Variants in EXOC5 observed in about 807,000 individuals in gnomAD.
EXOC5 encodes the protein SEC10-like 1.
Under a neutral mutation model 90.8 loss-of-function variants are expected in EXOC5, and 17 were observed. The ratio of observed to expected loss-of-function variants is 0.19; its 90% CI spans 0.13 to 0.28. EXOC5 has a LOEUF of 0.28. Among genes scored for constraint, EXOC5 ranks in the 10% least tolerant of loss-of-function variants. The probability of loss-of-function intolerance (pLI) is 1.00; values close to 1 mark genes in which losing one functional copy is unlikely to be tolerated. For missense variants in EXOC5, 569 were observed against 830.6 expected (o/e 0.69, Z 3.87); for synonymous variants, 260 against 270.0 (o/e 0.96, Z 0.36).
At chr14:57,230,910 G>GAAA (rs1045648341) in intron 11 of EXOC5, among the ~76,000 whole-genome samples, 1 of 130,690 alleles carries the variant, frequency 7.7e-6, no homozygotes, top group South Asian at 2.4e-4. Context: ...ATTCTATCGA[G>GAAA]AAAAAAAAAA....
At chr14:57,237,444 G>A in intron 5 of EXOC5, 78 bp from the exon 6 acceptor site, 1 of 867,824 alleles carries the variant, frequency 1.2e-6, no homozygotes, top group South Asian at 1.5e-5. Flanking sequence ...TAACCAAATG[G>A]GAAACTGGGT....
intron 15 of EXOC5, among the ~76,000 whole-genome samples, chr14:57,215,617 A>C (rs539827207): frequency 6.6e-6 from 1 of 152,170 alleles, no homozygotes; most frequent in Non-Finnish European, 1.5e-5. Flanking sequence ...AAAATTCAAC[A>C]CTCTTTCATG....
chr14:57,211,770 G>T (rs1882833649), intron 15 of EXOC5: 1 of 152,262 alleles, frequency 6.6e-6, no homozygotes. Flanking sequence ...CTACTCAGGA[G>T]GCTGAGGCAG....
intron 1 of EXOC5, among the ~76,000 whole-genome samples, chr14:57,259,045 A>G (rs991607680): frequency 1.3e-5 from 2 of 152,064 alleles, no homozygotes; most frequent in African/African-American, 4.8e-5. Context: ...TCATTAAAAC[A>G]CTACCTCCTT....
In EXOC5 at chr14:57,206,949, T is replaced by A. The variant is rs143524366; in HGVS notation, c.*1660A>T. ...TGGCTTTAAGTAACAGAGGTAAAATTTGAATTCACATCAGAGCTTTCTAAA... is the reference window on the plus strand; with the variant it reads ...TGGCTTTAAGTAACAGAGGTAAAATATGAATTCACATCAGAGCTTTCTAAA... On this transcript the variant is annotated 3_prime_UTR_variant, in exon 18 of 18. Transcript: ENST00000621441. The A allele has an allele frequency of 2.3e-3, 348 of 152,548 alleles. 2 individuals are homozygous for A. The highest frequency in any genetic ancestry group is 7.9e-3 in the African/African-American group (327 of 41,558). 9.4% of individuals were successfully genotyped at this position (152,548 alleles called of 1,614,324 possible).
Position 57,201,937 on chromosome 14 carries a change from C to G in EXOC5, c.*6672G>C, listed in dbSNP as rs569840260. 1 of 152,004 alleles carries G rather than the reference C, an allele frequency of 6.6e-6. No individual in the cohort carries two copies. Among genetic ancestry groups the G allele is most frequent in the South Asian group, 2.1e-4 (1 of 4,806 alleles). 9.4% of individuals were successfully genotyped at this position (152,004 alleles called of 1,614,324 possible). On this transcript the variant is annotated 3_prime_UTR_variant, in exon 18 of 18. Coordinates refer to ENST00000621441, the MANE Select transcript of EXOC5 (RefSeq NM_006544.4). ...TATGTCTGTATCTATTAATATATATCTACCTCCAAAATATTTACAAAGGGA... is the reference window on the plus strand; with the variant it reads ...TATGTCTGTATCTATTAATATATATGTACCTCCAAAATATTTACAAAGGGA...
chr14:57,268,715 G>A lies in EXOC5; in HGVS notation c.-67C>T. The A allele has an allele frequency of 6.5e-7, 1 of 1,541,552 alleles. No individual in the cohort carries two copies. The highest frequency in any genetic ancestry group is 8.7e-7 in the Non-Finnish European group (1 of 1,151,616). Reference sequence around the variant, plus strand: ...CCGCTTCACATGCTGCGCCTCAGAGGCGCGGCGCACAGGTCTCCGCTCGGC... The same window carrying A: ...CCGCTTCACATGCTGCGCCTCAGAGACGCGGCGCACAGGTCTCCGCTCGGC... On this transcript the variant is annotated 5_prime_UTR_variant, in exon 1 of 18. Transcript: ENST00000621441.
chr14:57,205,207 T>G lies in EXOC5; in HGVS notation c.*3402A>C, dbSNP rs1882614428. 1 of 152,024 alleles carries G rather than the reference T, an allele frequency of 6.6e-6. No homozygotes were observed. Among genetic ancestry groups the G allele is most frequent in the South Asian group, 2.1e-4 (1 of 4,830 alleles). The allele number at this position is 152,024 out of a possible 1,614,324, so 9.4% of individuals were successfully genotyped here. On this transcript the variant is annotated 3_prime_UTR_variant, in exon 18 of 18. Transcript: ENST00000621441. ...AATTATCTTTATTATGCAGCAAAAT[T>G]TTTTAAATTGCTAACTTTTAACTTC...
In EXOC5 at chr14:57,230,206, G is replaced by GA. The variant is rs1185340532; in HGVS notation, c.1149-326dup. On this transcript the variant is annotated intron_variant, in intron 11 of 17. Transcript: ENST00000621441. ...CAAATAGGTTGGCATTCTAAATAACGAAATAGTCCTGTTTAAAAAGAAACC... is the reference window on the plus strand; with the variant it reads ...CAAATAGGTTGGCATTCTAAATAACGAAAATAGTCCTGTTTAAAAAGAAACC... Among the ~76,000 whole-genome samples, 27 of 152,134 alleles carry GA rather than the reference G, an allele frequency of 1.8e-4. 1 individual carries two copies. The South Asian group carries it at 3.1e-3, about 18-fold the overall frequency.
At chr14:57,238,021 A>G (rs1396625354) in intron 5 of EXOC5, among the ~76,000 whole-genome samples, 1 of 152,062 alleles carries the variant, frequency 6.6e-6, no homozygotes, top group East Asian at 1.9e-4. Flanking sequence ...ATATTTTAAG[A>G]TTGTGTGCAA....
chr14:57,258,897 TA>T lies in EXOC5; in HGVS notation c.27+9724del, dbSNP rs879751745. Among the ~76,000 whole-genome samples the T allele has an allele frequency of 2.6e-5, 4 of 152,052 alleles. No individual in the cohort carries two copies. In the South Asian group the frequency reaches 8.3e-4, roughly 32 times the overall value. ...GCTAGGATATTTCCCCCAGCCTAGGTAAAAAAAATAAAGTAAGTCTCAGATC... is the reference window on the plus strand; with the variant it reads ...GCTAGGATATTTCCCCCAGCCTAGGTAAAAAAATAAAGTAAGTCTCAGATC... On this transcript the variant is annotated intron_variant, in intron 1 of 17. Transcript: ENST00000621441.
In EXOC5 at chr14:57,245,717, C is replaced by A. The variant is rs184346435; in HGVS notation, c.270+994G>T. ...TCCCTAACACTAAAGAACTAATGATCCCTGAGAGGCAGCAAAGCTAAACAA... is the reference window on the plus strand; with the variant it reads ...TCCCTAACACTAAAGAACTAATGATACCTGAGAGGCAGCAAAGCTAAACAA... On this transcript the variant is annotated intron_variant, in intron 3 of 17. Coordinates refer to ENST00000621441, the MANE Select transcript of EXOC5 (RefSeq NM_006544.4). 1.9e-3 allele frequency among the ~76,000 whole-genome samples: 294 copies of A among 152,168 alleles called. 1 individual carries two copies. The highest frequency in any genetic ancestry group is 6.8e-3 in the African/African-American group (282 of 41,512).
In EXOC5 at chr14:57,204,502, A is replaced by C. The variant is rs1471920672; in HGVS notation, c.*4107T>G. 6.6e-6 allele frequency: 1 copy of C among 152,276 alleles called. No individual in the cohort carries two copies. Among genetic ancestry groups the C allele is most frequent in the African/African-American group, 2.4e-5 (1 of 41,450 alleles). 9.4% of individuals were successfully genotyped at this position (152,276 alleles called of 1,614,324 possible). On this transcript the variant is annotated 3_prime_UTR_variant, in exon 18 of 18. Coordinates refer to ENST00000621441, the MANE Select transcript of EXOC5 (RefSeq NM_006544.4). ...TCATTTAAAAACTACCAATGTACTA[A>C]ATAGTTAACACAATTGGCAAGCCTA...
rs1340364922 is a variant in EXOC5, at chr14:57,207,086, C to A, written c.*1523G>T. The A allele has an allele frequency of 6.6e-6, 1 of 152,430 alleles. No homozygotes were observed. Among genetic ancestry groups the A allele is most frequent in the African/African-American group, 2.4e-5 (1 of 41,400 alleles). The allele number at this position is 152,430 out of a possible 1,614,324, so 9.4% of individuals were successfully genotyped here. The stretch of plus-strand genomic sequence containing the variant: ...AGCTGCCATAATGTCCTAAAATGCT[C>A]TGAAAGAAGTTGGTATACTTCATTC... On this transcript the variant is annotated 3_prime_UTR_variant, in exon 18 of 18. Transcript: ENST00000621441.
intron 1 of EXOC5, among the ~76,000 whole-genome samples, chr14:57,248,816 T>C (rs1400177119): frequency 6.6e-6 from 1 of 152,098 alleles, no homozygotes; most frequent in African/African-American, 2.4e-5. Flanking sequence ...GATGAATTAA[T>C]ATCCTTCAAA....
At chr14:57,268,066 A>T (rs1023984345) in intron 1 of EXOC5, among the ~76,000 whole-genome samples, 3 of 138,130 alleles carry the variant, frequency 2.2e-5, no homozygotes, top group Admixed American at 2.1e-4. Flanking sequence ...TTTATTGTCC[A>T]AAAAAAAAAA....
intron 5 of EXOC5, chr14:57,237,827 T>C (rs1198704313): frequency 6.6e-6 from 1 of 152,616 alleles, no homozygotes; most frequent in African/African-American, 2.4e-5. Context: ...TCATTATTAT[T>C]CAAAAGAAAA....
intron 1 of EXOC5, among the ~76,000 whole-genome samples, chr14:57,265,849 A>G (rs1030229812): frequency 2.0e-5 from 3 of 152,270 alleles, no homozygotes; most frequent in African/African-American, 7.2e-5. Flanking sequence ...AACACTGTAC[A>G]TGGATCTTTT....
In EXOC5 at chr14:57,232,703, T is replaced by C; in HGVS notation, c.902A>G (p.Glu301Gly). ...ATCATAGAGATTTTTGAGATATTGCTCTGCATCGGACTTCCTACATTCTTC... is the reference window on the plus strand; with the variant it reads ...ATCATAGAGATTTTTGAGATATTGCCCTGCATCGGACTTCCTACATTCTTC... ...QLEECRKSDA[E>G]QYLKNLYDLY... Residue 301 changes from glutamate (E) to glycine (G), a missense_variant, in exon 10 of 18, where the codon GAG becomes GGG. Physicochemically the swap from Glu to Gly is moderately conservative, Grantham distance 98 (BLOSUM62 -2). Coordinates refer to ENST00000621441, the MANE Select transcript of EXOC5 (RefSeq NM_006544.4). The C allele has an allele frequency of 6.5e-7, 1 of 1,547,710 alleles. No individual in the cohort carries two copies. The highest frequency in any genetic ancestry group is 1.2e-5 in the South Asian group (1 of 84,502).
Sources: gnomAD v4.1 joint callset for allele counts (sites outside exome capture counted in the v4.1 genomes callset) on GRCh38, gnomAD v4.1.1 for gene constraint, MANE v1.5 for transcripts, NCBI Gene and HGNC (gene_info 2026-07-23, HGNC 2026-07-21) for gene names.